Variants in EVI5 observed in about 807,000 individuals in gnomAD.
EVI5 encodes the protein ecotropic viral integration site 5.
A neutral mutation model predicts 112.0 loss-of-function variants in EVI5; 73 were observed. That is an observed-to-expected ratio of 0.65 (90% CI 0.54 to 0.79). The LOEUF is 0.79. Ranked by LOEUF, EVI5 falls within the 30% of genes least tolerant of loss-of-function variation. The probability of loss-of-function intolerance (pLI) is 0.00; values close to 1 mark genes in which losing one functional copy is unlikely to be tolerated. For synonymous variants in EVI5, 305 were observed against 319.9 expected, an observed-to-expected ratio of 0.95 and a Z score of 0.50; for missense variants, 900 against 968.8, an observed-to-expected ratio of 0.93 and a Z score of 0.94.
At chr1:92,696,680 T>C (rs1244992046) in intron 6 of EVI5, among the ~76,000 whole-genome samples, 1 of 151,952 alleles carries the variant, frequency 6.6e-6, no homozygotes, top group Non-Finnish European at 1.5e-5. Flanking sequence ...TATTCTGGCT[T>C]TTTCTTTAAA....
At position 92,508,747 on chromosome 1, in the gene EVI5, A is replaced by G. The variant is rs1194958169; in HGVS notation, c.*4909T>C. 1 of 152,658 alleles carries G rather than the reference A, an allele frequency of 6.6e-6. No homozygotes were observed. The highest frequency in any genetic ancestry group is 1.5e-5 in the Non-Finnish European group (1 of 68,036). 9.5% of individuals were successfully genotyped at this position (152,658 alleles called of 1,614,324 possible). ...GTTTAAAGAAAAGGCACAAGTAAAC[A>G]TTTCAGGTTATCATACAATGTTACA... On this transcript the variant is annotated 3_prime_UTR_variant, in exon 20 of 20. Transcript: ENST00000684568.
At chr1:92,721,907 C>T (rs547137275) in intron 2 of EVI5, among the ~76,000 whole-genome samples, 1 of 152,198 alleles carries the variant, frequency 6.6e-6, no homozygotes, top group South Asian at 2.1e-4. Flanking sequence ...AAAATCTATA[C>T]CAGAAGTTAT....
intron 6 of EVI5, 145 bp from the exon 7 acceptor site, chr1:92,695,598 G>A (rs1670194990): frequency 2.2e-6 from 1 of 446,848 alleles, no homozygotes; most frequent in South Asian, 6.8e-5. Context: ...TGAAACATCT[G>A]GGACAGTGGC....
chr1:92,604,913 T>C (rs973485596), intron 18 of EVI5, among the ~76,000 whole-genome samples: 3 of 152,216 alleles, frequency 2.0e-5, no homozygotes, highest in African/African-American at 4.8e-5. Context: ...ATGACTGTAT[T>C]GTATGATCCC....
intron 1 of EVI5, among the ~76,000 whole-genome samples, chr1:92,782,190 C>G (rs775268801): frequency 6.6e-6 from 1 of 151,266 alleles, no homozygotes; most frequent in African/African-American, 2.4e-5. Flanking sequence ...ACCCGGGAGG[C>G]GAGGGTGCAG....
At chr1:92,615,217 T>C (rs1260635728) in intron 16 of EVI5, among the ~76,000 whole-genome samples, 1 of 152,172 alleles carries the variant, frequency 6.6e-6, no homozygotes, top group Non-Finnish European at 1.5e-5. Flanking sequence ...TTTGACTATA[T>C]GTGGAGAACC....
At chr1:92,654,866 G>GA (rs958225809) in intron 13 of EVI5, among the ~76,000 whole-genome samples, 1 of 151,952 alleles carries the variant, frequency 6.6e-6, no homozygotes, top group African/African-American at 2.4e-5. Context: ...AAACCCAGCA[G>GA]AAAAAACAAT....
chr1:92,754,720 C>T (rs1237111883), intron 1 of EVI5, among the ~76,000 whole-genome samples: 1 of 152,196 alleles, frequency 6.6e-6, no homozygotes, highest in Non-Finnish European at 1.5e-5. Flanking sequence ...GAAAGCAAGA[C>T]AGAAAATGCT....
At chr1:92,593,145 G>A (rs1674283966) in intron 18 of EVI5, among the ~76,000 whole-genome samples, 1 of 152,210 alleles carries the variant, frequency 6.6e-6, no homozygotes, top group Non-Finnish European at 1.5e-5. Flanking sequence ...CAATGTCCCT[G>A]ATGAACATCG....
At chr1:92,698,460 A>G (rs1670650382) in intron 5 of EVI5, among the ~76,000 whole-genome samples, 2 of 152,202 alleles carry the variant, frequency 1.3e-5, no homozygotes, top group Admixed American at 1.3e-4. Flanking sequence ...ATAGATCAGG[A>G]AAGGTCCCCT....
chr1:92,686,094 A>G (rs1402967379), intron 9 of EVI5, among the ~76,000 whole-genome samples: 2 of 152,204 alleles, frequency 1.3e-5, no homozygotes, highest in African/African-American at 4.8e-5. Flanking sequence ...AGACACAACA[A>G]AAAAAGAGAA....
At position 92,589,806 on chromosome 1, in the gene EVI5, C is replaced by A. The variant is rs571046004; in HGVS notation, c.2070+15501G>T. Among the ~76,000 whole-genome samples the A allele has an allele frequency of 2.2e-4, 34 of 152,296 alleles. No individual in the cohort carries two copies. The South Asian group carries it at 6.6e-3, about 30-fold the overall frequency. On this transcript the variant is annotated intron_variant, in intron 18 of 19. Coordinates refer to ENST00000684568, the MANE Select transcript of EVI5 (RefSeq NM_001350197.2). ...ACGCAGCTTGAGATCTGAGAACCGA[C>A]AGACTGCCTCCTCAAGTGGGGCCCT...
At chr1:92,744,167 T>C (rs1011811230) in intron 1 of EVI5, among the ~76,000 whole-genome samples, 4 of 152,248 alleles carry the variant, frequency 2.6e-5, no homozygotes, top group Admixed American at 2.6e-4. Context: ...TTGTTAGTGA[T>C]CTCTAACTTA....
intron 19 of EVI5, among the ~76,000 whole-genome samples, chr1:92,551,977 C>G (rs1354954714): frequency 6.6e-6 from 1 of 152,074 alleles, no homozygotes; most frequent in Non-Finnish European, 1.5e-5. Flanking sequence ...CAGAAATTTA[C>G]TGATAAGTAT....
intron 9 of EVI5, among the ~76,000 whole-genome samples, chr1:92,691,998 A>C (rs140584900): frequency 6.6e-6 from 1 of 152,330 alleles, no homozygotes; most frequent in East Asian, 1.9e-4. Flanking sequence ...AGGCCACTGG[A>C]AACATAATTT....
Position 92,693,912 on chromosome 1 carries a change from T to TAAA in EVI5, c.1000-16_1000-14dup. On this transcript the variant is annotated splice_polypyrimidine_tract_variant and intron_variant, in intron 8 of 19. Coordinates refer to ENST00000684568, the MANE Select transcript of EVI5 (RefSeq NM_001350197.2). ...CCTTTTGAAAGTGCTAAGATACAAT[T>TAAA]AAAAAAAAAACATAAGAATGACTTA... 2.3e-6 allele frequency: 3 copies of TAAA among 1,318,420 alleles called. No homozygotes were observed. The highest frequency in any genetic ancestry group is 3.1e-6 in the Non-Finnish European group (3 of 955,926). 81.7% of individuals were successfully genotyped at this position (1,318,420 alleles called of 1,614,324 possible). A position where few individuals can be genotyped will look rare whatever the true frequency, so the allele number is the denominator to read the frequency against.
At chr1:92,699,083 TAAC>T (rs1670736737) in intron 5 of EVI5, among the ~76,000 whole-genome samples, 1 of 152,200 alleles carries the variant, frequency 6.6e-6, no homozygotes, top group African/African-American at 2.4e-5. Flanking sequence ...CTGCTGCTAA[TAAC>T]AAGACATTTT....
chr1:92,644,883 G>C (rs975314676), intron 13 of EVI5, among the ~76,000 whole-genome samples: 8 of 152,068 alleles, frequency 5.3e-5, no homozygotes, highest in Non-Finnish European at 8.8e-5. Flanking sequence ...TCCTTTGTAT[G>C]ATTTCAATTA....
At chr1:92,528,536 C>T (rs778161656) in intron 19 of EVI5, among the ~76,000 whole-genome samples, 5 of 151,998 alleles carry the variant, frequency 3.3e-5, no homozygotes, top group Non-Finnish European at 7.4e-5. Flanking sequence ...TCATAATAAC[C>T]CCAAATGGAA....
Sources: gnomAD v4.1 joint callset for allele counts (sites outside exome capture counted in the v4.1 genomes callset) on GRCh38, gnomAD v4.1.1 for gene constraint, MANE v1.5 for transcripts, NCBI Gene and HGNC (gene_info 2026-07-23, HGNC 2026-07-21) for gene names.